The following PCTP variants were observed in gnomAD, a reference collection of about 807,000 sequenced individuals.
PCTP encodes START domain-containing protein 2.
In PCTP, 27 loss-of-function variants were observed where a neutral mutation model predicts 31.0. The observed-to-expected ratio is 0.87, with a 90% CI of 0.64 to 1.20. PCTP has a LOEUF of 1.20. Among genes scored for constraint, PCTP ranks in the 50% most tolerant of loss-of-function variants. The probability of loss-of-function intolerance (pLI) is 0.00; values close to 1 mark genes in which losing one functional copy is unlikely to be tolerated. For synonymous variants in PCTP, 108 were observed against 101.2 expected, an observed-to-expected ratio of 1.07 and a Z score of -0.40; for missense variants, 287 against 268.2, an observed-to-expected ratio of 1.07 and a Z score of -0.49.
rs1910987152 is a variant in PCTP at position 55,771,201 on chromosome 17, G to A, written c.339+16G>A. ...CAACAGAGACGTATCCTTTCCACAAGGTACTCATTCCCTGGCCCTCTAAGT... is the reference window on the plus strand; with the variant it reads ...CAACAGAGACGTATCCTTTCCACAAAGTACTCATTCCCTGGCCCTCTAAGT... On this transcript the variant is annotated intron_variant, in intron 3 of 5. Coordinates refer to ENST00000268896, the MANE Select transcript of PCTP (RefSeq NM_021213.4). The A allele has an allele frequency of 6.3e-7, 1 of 1,580,976 alleles. No homozygotes were observed. The highest frequency in any genetic ancestry group is 1.3e-5 in the African/African-American group (1 of 74,122).
chr17:55,801,956 G>A (rs948516752), intron 3 of PCTP, among the ~76,000 whole-genome samples: 1 of 152,152 alleles, frequency 6.6e-6, no homozygotes, highest in Admixed American at 6.5e-5. Context: ...TAACAAAATA[G>A]ATAGATGGCT....
At chr17:55,830,267 T>C in intron 5 of PCTP, among the ~76,000 whole-genome samples, 1 of 152,110 alleles carries the variant, frequency 6.6e-6, no homozygotes, top group East Asian at 1.9e-4. Flanking sequence ...AACCGTAGAG[T>C]AGAAAGTTCT....
chr17:55,757,733 G>A (rs1306933171), intron 1 of PCTP, among the ~76,000 whole-genome samples: 2 of 152,080 alleles, frequency 1.3e-5, no homozygotes, highest in South Asian at 2.1e-4. Flanking sequence ...CTACTGGTCC[G>A]GGAATCACAC....
chr17:55,789,738 G>T (rs1911886630), intron 3 of PCTP, among the ~76,000 whole-genome samples: 3 of 152,116 alleles, frequency 2.0e-5, no homozygotes, highest in Non-Finnish European at 4.4e-5. Context: ...GGAGGAACTG[G>T]TACCATTCCT....
In PCTP at chr17:55,776,179, C is replaced by A; in HGVS notation, c.*79C>A. The A allele has an allele frequency of 1.3e-6, 2 of 1,572,520 alleles. No homozygotes were observed. The highest frequency in any genetic ancestry group is 1.2e-5 in the South Asian group (1 of 84,896). On this transcript the variant is annotated 3_prime_UTR_variant, in exon 6 of 6. Coordinates refer to ENST00000268896, the MANE Select transcript of PCTP (RefSeq NM_021213.4). The stretch of plus-strand genomic sequence containing the variant: ...CACCCAATGTCTCTGGAAGTGCCAC[C>A]TGGAAGTGCCACCTGGAAGTGTCTC...
At chr17:55,817,395 G>A (rs1020926791) in intron 3 of PCTP, among the ~76,000 whole-genome samples, 2 of 152,182 alleles carry the variant, frequency 1.3e-5, no homozygotes, top group African/African-American at 4.8e-5. Context: ...TATTTTCACT[G>A]AGCTGGCATT....
intron 5 of PCTP, 29 bp downstream of exon 5, chr17:55,774,888 A>AGGGGGGG: frequency 9.5e-6 from 3 of 314,578 alleles, no homozygotes; most frequent in South Asian, 2.6e-5. Flanking sequence ...GGGCGGGGGG[A>AGGGGGGG]GGGATGGGGG....
At chr17:55,844,384 C>G (rs934115035), downstream of PCTP, among the ~76,000 whole-genome samples, 3 of 152,172 alleles carry the variant, frequency 2.0e-5, no homozygotes, top group African/African-American at 7.2e-5. Flanking sequence ...ACCTCCATTG[C>G]TACACTACTG....
At chr17:55,791,498 C>T (rs373576773) in intron 3 of PCTP, among the ~76,000 whole-genome samples, 14 of 147,190 alleles carry the variant, frequency 9.5e-5, no homozygotes, top group African/African-American at 3.3e-4. Context: ...GGGCAAAGGA[C>T]ATGAACAGAC....
At chr17:55,790,173 T>C (rs1911906704) in intron 3 of PCTP, among the ~76,000 whole-genome samples, 1 of 152,164 alleles carries the variant, frequency 6.6e-6, no homozygotes, top group African/African-American at 2.4e-5. Context: ...AAGAGCTATC[T>C]GTGACAAACC....
chr17:55,774,320 A>AGG (rs2144969448), intron 4 of PCTP, among the ~76,000 whole-genome samples: 1 of 152,274 alleles, frequency 6.6e-6, no homozygotes, highest in Non-Finnish European at 1.5e-5. Context: ...CTTGAGTTTC[A>AGG]GCCCCCAGGG....
chr17:55,782,836 C>T (rs968891227), intron 2 of PCTP, among the ~76,000 whole-genome samples: 2 of 152,200 alleles, frequency 1.3e-5, no homozygotes, highest in Non-Finnish European at 1.5e-5. Context: ...ATCCCTATTC[C>T]TTACCTTGTC....
intron 2 of PCTP, chr17:55,770,438 C>T (rs985655854): frequency 4.6e-5 from 7 of 152,202 alleles, no homozygotes; most frequent in Admixed American, 6.5e-5. Flanking sequence ...AGAAGCAAAA[C>T]TATTGGTACT....
At chr17:55,836,966 C>T (rs952972534) in intron 5 of PCTP, among the ~76,000 whole-genome samples, 7 of 151,998 alleles carry the variant, frequency 4.6e-5, no homozygotes, top group African/African-American at 1.7e-4. Flanking sequence ...AGAAGGTGTC[C>T]CTGAGACTGT....
chr17:55,852,497 ATGTT>A, the PCTP span, among the ~76,000 whole-genome samples: 9 of 152,202 alleles, frequency 5.9e-5, no homozygotes, highest in African/African-American at 2.2e-4. Context: ...ACCTGGCTGA[ATGTT>A]TGAACCTCAT....
chr17:55,831,675 C>T (rs765531673), intron 5 of PCTP, among the ~76,000 whole-genome samples: 5 of 152,114 alleles, frequency 3.3e-5, no homozygotes, highest in Admixed American at 1.3e-4. Flanking sequence ...TCTGTTCCAA[C>T]GTCAAGTTTA....
At chr17:55,849,610 C>T in the PCTP span, among the ~76,000 whole-genome samples, 10 of 151,768 alleles carry the variant, frequency 6.6e-5, no homozygotes, top group South Asian at 4.2e-4. Flanking sequence ...GCAACAAGAG[C>T]GAAACTCTGT....
intron 3 of PCTP, among the ~76,000 whole-genome samples, chr17:55,788,353 T>A (rs920077501): frequency 6.6e-6 from 1 of 152,222 alleles, no homozygotes; most frequent in African/African-American, 2.4e-5. Flanking sequence ...TCCTTCCTTC[T>A]ATGGAACACC....
downstream of PCTP, among the ~76,000 whole-genome samples, chr17:55,847,052 A>G (rs906255680): frequency 6.6e-6 from 1 of 152,204 alleles, no homozygotes; most frequent in Non-Finnish European, 1.5e-5. Context: ...TAGCCTTTCA[A>G]AGCACATTTA....
Sources: gnomAD v4.1 joint callset for allele counts (sites outside exome capture counted in the v4.1 genomes callset) on GRCh38, gnomAD v4.1.1 for gene constraint, MANE v1.5 for transcripts, NCBI Gene and HGNC (gene_info 2026-07-23, HGNC 2026-07-21) for gene names.